Variants in SYCP2 observed in about 807,000 individuals in gnomAD.
The protein encoded by SYCP2 is synaptonemal complex lateral element protein.
Under a neutral mutation model 211.3 loss-of-function variants are expected in SYCP2, and 55 were observed. The observed-to-expected ratio is 0.26, with a 90% CI of 0.21 to 0.33. SYCP2 has a LOEUF of 0.33. Among genes scored for constraint, SYCP2 ranks in the 10% least tolerant of loss-of-function variants. SYCP2 has a pLI of 1.00. For missense variants in SYCP2, 1,731 were observed against 1,752.0 expected (o/e 0.99, Z 0.21); for synonymous variants, 570 against 555.2 (o/e 1.03, Z -0.37).
Position 59,880,368 on chromosome 20 carries a change from G to A in SYCP2, c.2876C>T (p.Ser959Leu). Residue 959 changes from serine to leucine, a missense_variant, in exon 31 of 45, where the codon TCA becomes TTA. Transcript: ENST00000357552. ...GCTATAGTCTATTAGCTGTGGTTTT[G>A]ATTTCGGTTCTCTTAGCCAGCTAAT... Reference protein sequence around the residue: ...TDISWLREPKSKPQLIDYSRN... With the variant: ...TDISWLREPKLKPQLIDYSRN... The A allele has an allele frequency of 6.2e-7, 1 of 1,601,020 alleles. No homozygotes were observed. The highest frequency in any genetic ancestry group is 8.5e-7 in the Non-Finnish European group (1 of 1,171,484).
rs1167789460 is a variant in SYCP2, at chr20:59,893,121, T to C, written c.1793+21A>G. ...CAGCATTAGTATAGACTAAATGATT[T>C]GATGGTTTTCTCATACTTACATAGT... On this transcript the variant is annotated intron_variant, in intron 22 of 44. Transcript: ENST00000357552. 5 of 1,553,446 alleles carry C rather than the reference T, an allele frequency of 3.2e-6. No individual in the cohort carries two copies. In the Admixed American group the frequency reaches 5.2e-5, roughly 16 times the overall value.
intron 15 of SYCP2, among the ~76,000 whole-genome samples, chr20:59,903,788 T>C (rs1020228981): frequency 2.6e-5 from 4 of 152,068 alleles, no homozygotes; most frequent in Admixed American, 1.3e-4. Context: ...GTTAGACAAC[T>C]GGAGAGGGAT....
chr20:59,864,167 AT>A lies in SYCP2; in HGVS notation c.*143del, dbSNP rs199662252. The A allele has an allele frequency of 1.7e-3, 885 of 513,130 alleles. No homozygotes were observed. The highest frequency in any genetic ancestry group is 3.5e-3 in the South Asian group (79 of 22,654). 31.8% of individuals were successfully genotyped at this position (513,130 alleles called of 1,614,324 possible). On this transcript the variant is annotated 3_prime_UTR_variant, in exon 45 of 45. Transcript: ENST00000357552. ...GGTTCCCTCTCATCCATTAAAAGAC[AT>A]TTTTTTTTAATTTGAGGGTTCCTAT...
chr20:59,922,493 C>T, intron 2 of SYCP2, 34 bp from the exon 3 acceptor site: 1 of 1,060,360 alleles, frequency 9.4e-7, no homozygotes, highest in South Asian at 1.6e-5. Flanking sequence ...CTGTATCTCA[C>T]AATCTGTTTC....
chr20:59,932,301 T>A (rs1237716947), intron 1 of SYCP2, 147 bp from the exon 2 acceptor site: 2 of 152,154 alleles, frequency 1.3e-5, no homozygotes, highest in Non-Finnish European at 2.9e-5. Flanking sequence ...TCTGCCCTGG[T>A]AACTAACATA....
chr20:59,912,637 C>T (rs567266050), intron 12 of SYCP2, among the ~76,000 whole-genome samples: 1 of 152,196 alleles, frequency 6.6e-6, no homozygotes, highest in South Asian at 2.1e-4. Context: ...CTCAATCTAC[C>T]ATTCTGACTA....
At chr20:59,905,787 T>C (rs1320393915) in intron 15 of SYCP2, among the ~76,000 whole-genome samples, 1 of 152,160 alleles carries the variant, frequency 6.6e-6, no homozygotes, top group Non-Finnish European at 1.5e-5. Context: ...AAATACTGAA[T>C]GTTCTTTCCT....
At chr20:59,865,528 T>G (rs1600791582) in intron 43 of SYCP2, 45 bp downstream of exon 43, 3 of 1,576,824 alleles carry the variant, frequency 1.9e-6, no homozygotes, top group East Asian at 2.2e-5. Flanking sequence ...ACAAATTCTT[T>G]TTGTAATCAA....
chr20:59,926,920 T>G (rs1166855222), intron 2 of SYCP2, among the ~76,000 whole-genome samples: 1 of 152,152 alleles, frequency 6.6e-6, no homozygotes, highest in Non-Finnish European at 1.5e-5. Context: ...GCTGAAATAT[T>G]TTCTCCATTT....
intron 44 of SYCP2, among the ~76,000 whole-genome samples, chr20:59,865,147 G>C (rs867297534): frequency 1.3e-5 from 2 of 151,930 alleles, no homozygotes; most frequent in African/African-American, 4.8e-5. Context: ...CATTCTTTCA[G>C]ATAATTTTTC....
At chr20:59,876,138 C>T (rs6064856) in intron 33 of SYCP2, among the ~76,000 whole-genome samples, 2,959 of 151,430 alleles carry the variant, frequency 0.02, 43 homozygotes, top group Middle Eastern at 0.041. Context: ...TTTGGGAGGC[C>T]GAGGCGGGCA....
intron 26 of SYCP2, among the ~76,000 whole-genome samples, chr20:59,883,271 C>T (rs2059719285): frequency 6.6e-6 from 1 of 152,064 alleles, no homozygotes; most frequent in Admixed American, 6.6e-5. Context: ...ATTGCTTGAA[C>T]CAGGGAGGCG....
Position 59,921,355 on chromosome 20 carries a change from T to C in SYCP2, c.123A>G (p.Lys41=), listed in dbSNP as rs1188307098. Residue 41 remains lysine (K), a synonymous_variant, in exon 4 of 45, where the codon AAA becomes AAG. Coordinates refer to ENST00000357552, the MANE Select transcript of SYCP2 (RefSeq NM_014258.4). ...QIDICEDVKI[K]CSKQFFHKVD... Reference sequence around the variant, plus strand: ...CCTTGTGGAAAAACTGTTTGCTGCATTTAATCTTCACATCTTCACAAATAT... The same window carrying C: ...CCTTGTGGAAAAACTGTTTGCTGCACTTAATCTTCACATCTTCACAAATAT... 12 of 1,607,628 alleles carry C rather than the reference T, an allele frequency of 7.5e-6. No individual in the cohort carries two copies. The highest frequency in any genetic ancestry group is 1.0e-5 in the Non-Finnish European group (12 of 1,176,416).
intron 14 of SYCP2, among the ~76,000 whole-genome samples, chr20:59,909,971 A>C (rs952269325): frequency 6.6e-6 from 1 of 152,228 alleles, no homozygotes; most frequent in Non-Finnish European, 1.5e-5. Flanking sequence ...CTGGAGGAAG[A>C]GGTCTATGCA....
At chr20:59,873,728 C>G (rs1047320612) in intron 35 of SYCP2, 128 bp downstream of exon 35, 14 of 707,506 alleles carry the variant, frequency 2.0e-5, no homozygotes, top group Admixed American at 1.9e-4. Context: ...TCCCTCTCCC[C>G]CAAGACCCTA....
chr20:59,886,950 TAAAG>T (rs949890144), intron 24 of SYCP2, 116 bp from the exon 25 acceptor site: 9 of 738,840 alleles, frequency 1.2e-5, no homozygotes, highest in South Asian at 6.2e-5. Flanking sequence ...CGGAGAGAAA[TAAAG>T]AGAGTCAACT....
At chr20:59,903,673 TG>T (rs1338537320) in intron 15 of SYCP2, among the ~76,000 whole-genome samples, 1 of 152,168 alleles carries the variant, frequency 6.6e-6, no homozygotes, top group Non-Finnish European at 1.5e-5. Flanking sequence ...GGTCAAAATG[TG>T]TAAGTATTCT....
Position 59,921,823 on chromosome 20 carries a change from G to A in SYCP2, c.25-370C>T, listed in dbSNP as rs6100648. 3.3e-3 allele frequency among the ~76,000 whole-genome samples: 498 copies of A among 151,176 alleles called. 3 individuals are homozygous for A. Among genetic ancestry groups the A allele is most frequent in the African/African-American group, 0.012 (481 of 41,352 alleles). On this transcript the variant is annotated intron_variant, in intron 3 of 44. Transcript: ENST00000357552. ...ATACCTGACTACTAATCTCTTAACGGGGTTGAAATAGTAAAGAAAAAAATA... is the reference window on the plus strand; with the variant it reads ...ATACCTGACTACTAATCTCTTAACGAGGTTGAAATAGTAAAGAAAAAAATA...
chr20:59,919,984 C>G (rs2060511134), intron 5 of SYCP2, among the ~76,000 whole-genome samples: 1 of 151,610 alleles, frequency 6.6e-6, no homozygotes, highest in African/African-American at 2.4e-5. Context: ...ACATACATCT[C>G]AGATACTATT....
Sources: allele counts gnomAD v4.1 joint callset (sites outside exome capture counted in the v4.1 genomes callset), GRCh38; gene constraint gnomAD v4.1.1; transcripts MANE v1.5; gene names NCBI Gene and HGNC (gene_info 2026-07-23, HGNC 2026-07-21).